The following VRK2 variants were observed in gnomAD, a reference collection of about 807,000 sequenced individuals.
The protein encoded by VRK2 is serine/threonine-protein kinase VRK2.
In VRK2, 60 loss-of-function variants were observed where a neutral mutation model predicts 57.6. The observed-to-expected ratio is 1.04, with a 90% CI of 0.85 to 1.29. VRK2 has a LOEUF of 1.29. VRK2 is among the 50% of genes most tolerant of loss of function. VRK2 has a pLI of 0.00. For synonymous variants in VRK2, 231 were observed against 199.2 expected (o/e 1.16, Z -1.35); for missense variants, 705 against 588.1 (o/e 1.20, Z -2.06).
At chr2:58,149,300 C>T (rs1329153745) in intron 12 of VRK2, among the ~76,000 whole-genome samples, 1 of 151,314 alleles carries the variant, frequency 6.6e-6, no homozygotes, top group Non-Finnish European at 1.5e-5. Flanking sequence ...TTTCATATTC[C>T]AGTTATTTGT....
chr2:58,039,904 TTTTTTATTTTTA>T (rs958513094), intron 3 of VRK2, among the ~76,000 whole-genome samples: 44 of 151,634 alleles, frequency 2.9e-4, no homozygotes, highest in Non-Finnish European at 4.0e-4. Context: ...TTTTTATTTA[TTTTTTATTTTTA>T]TTTTTATTTT....
chr2:57,915,276 C>G (rs1670109529), intron 1 of VRK2, among the ~76,000 whole-genome samples: 1 of 152,026 alleles, frequency 6.6e-6, no homozygotes, highest in Non-Finnish European at 1.5e-5. Flanking sequence ...ACACATGATT[C>G]TACATAAATC....
chr2:58,007,993 A>T (rs1309806148), intron 1 of VRK2, among the ~76,000 whole-genome samples: 1 of 152,148 alleles, frequency 6.6e-6, no homozygotes, highest in Non-Finnish European at 1.5e-5. Context: ...TGTAAATAAC[A>T]GAAGAAGAAA....
intron 1 of VRK2, among the ~76,000 whole-genome samples, chr2:58,002,144 G>A (rs776595831): frequency 5.3e-5 from 8 of 152,104 alleles, no homozygotes; most frequent in Non-Finnish European, 1.2e-4. Flanking sequence ...GCTCTTTGTT[G>A]TATATAATTC....
intron 7 of VRK2, among the ~76,000 whole-genome samples, chr2:58,119,734 A>G (rs1677134832): frequency 6.6e-6 from 1 of 151,264 alleles, no homozygotes. Flanking sequence ...AATCTTAGAG[A>G]ATATTTCGTA....
chr2:58,059,057 C>A (rs142762519), intron 2 of VRK2, among the ~76,000 whole-genome samples: 20 of 152,094 alleles, frequency 1.3e-4, no homozygotes, highest in African/African-American at 4.6e-4. Flanking sequence ...ATAATGGTGT[C>A]ATTTTCATTC....
intron 7 of VRK2, among the ~76,000 whole-genome samples, chr2:58,105,093 A>T (rs1674547007): frequency 6.6e-6 from 1 of 152,052 alleles, no homozygotes; most frequent in African/African-American, 2.4e-5. Context: ...GTAAGGGCTG[A>T]AACTATAAAA....
rs116672191 is a variant in VRK2 at position 57,933,681 on chromosome 2, A to C, written c.-439+25842A>C. ...TTGGGTTGTTTTTTTTTTCTTATCC[A>C]TCCAGCCATTCTGTCTTTTGATGGG... On this transcript the variant is annotated intron_variant, in intron 1 of 15. Transcript: ENST00000417641. 4.8e-3 allele frequency among the ~76,000 whole-genome samples: 723 copies of C among 150,212 alleles called. 2 individuals are homozygous for C. Among genetic ancestry groups the C allele is most frequent in the Non-Finnish European group, 7.5e-3 (504 of 67,626 alleles).
At chr2:57,971,249 T>A (rs1672089269) in intron 1 of VRK2, among the ~76,000 whole-genome samples, 1 of 152,000 alleles carries the variant, frequency 6.6e-6, no homozygotes, top group African/African-American at 2.4e-5. Flanking sequence ...CCTAGTGGGA[T>A]AACATAGTAC....
intron 1 of VRK2, among the ~76,000 whole-genome samples, chr2:57,921,487 T>G (rs993743796): frequency 6.6e-6 from 1 of 152,064 alleles, no homozygotes; most frequent in Non-Finnish European, 1.5e-5. Context: ...GGGTAATTAG[T>G]AAAATATCCT....
chr2:58,075,864 A>G (rs1004571464), intron 2 of VRK2, among the ~76,000 whole-genome samples: 6 of 151,982 alleles, frequency 3.9e-5, no homozygotes, highest in African/African-American at 7.2e-5. Context: ...GCTTATAGTA[A>G]AACTCTGCCC....
exon 3 of VRK2, chr2:58,033,339 G>A (rs1027345044): frequency 6.6e-6 from 1 of 151,962 alleles, no homozygotes; most frequent in Non-Finnish European, 1.5e-5. Flanking sequence ...GTAATCACAA[G>A]GGGCTTTCTA....
intron 12 of VRK2, among the ~76,000 whole-genome samples, chr2:58,150,003 T>C (rs886874174): frequency 8.1e-5 from 12 of 148,812 alleles, no homozygotes; most frequent in African/African-American, 2.9e-4. Flanking sequence ...TTTCTTTTTT[T>C]TTTTTTTTTT....
At chr2:58,076,956 C>T (rs1670203998) in intron 2 of VRK2, among the ~76,000 whole-genome samples, 1 of 151,896 alleles carries the variant, frequency 6.6e-6, no homozygotes, top group South Asian at 2.1e-4. Flanking sequence ...GCACATAGTA[C>T]ATTACATAGT....
chr2:57,931,379 G>A (rs1357228138), intron 1 of VRK2, among the ~76,000 whole-genome samples: 1 of 152,014 alleles, frequency 6.6e-6, no homozygotes, highest in Admixed American at 6.6e-5. Context: ...TAGTGATGTT[G>A]AGCCCCTTTT....
intron 1 of VRK2, among the ~76,000 whole-genome samples, chr2:57,998,188 G>A (rs182026461): frequency 1.1e-4 from 17 of 152,226 alleles, no homozygotes; most frequent in Non-Finnish European, 2.4e-4. Context: ...TTTCTGCCCT[G>A]TTTTAATTGT....
chr2:58,102,528 A>C, intron 7 of VRK2, among the ~76,000 whole-genome samples: 1 of 151,478 alleles, frequency 6.6e-6, no homozygotes. Flanking sequence ...GTTATTATAT[A>C]ATGATAAAAC....
At chr2:57,935,929 G>T (rs954021938) in intron 1 of VRK2, among the ~76,000 whole-genome samples, 2 of 152,176 alleles carry the variant, frequency 1.3e-5, no homozygotes, top group East Asian at 1.9e-4. Flanking sequence ...TTGCTCCAAG[G>T]TGTGCTGGGA....
intron 1 of VRK2, among the ~76,000 whole-genome samples, chr2:57,930,725 AC>A (rs1469478422): frequency 1.3e-5 from 2 of 152,144 alleles, no homozygotes; most frequent in Non-Finnish European, 2.9e-5. Context: ...ATACCCATGG[AC>A]CAGCATCTCC....
Sources: gnomAD v4.1 joint callset for allele counts (sites outside exome capture counted in the v4.1 genomes callset) on GRCh38, gnomAD v4.1.1 for gene constraint, MANE v1.5 for transcripts, NCBI Gene and HGNC (gene_info 2026-07-23, HGNC 2026-07-21) for gene names.